The following LEO1 variants were observed in gnomAD, a reference collection of about 807,000 sequenced individuals.
LEO1 encodes the protein RNA polymerase-associated protein LEO1.
In LEO1, 34 loss-of-function variants were observed where a neutral mutation model predicts 80.4. The ratio of observed to expected loss-of-function variants is 0.42; its 90% CI spans 0.32 to 0.56. LEO1 has a LOEUF of 0.56. Ranked by LOEUF, LEO1 falls within the 20% of genes least tolerant of loss-of-function variation. LEO1 has a pLI of 0.10. For missense variants in LEO1, 631 were observed against 814.2 expected, an observed-to-expected ratio of 0.77 and a Z score of 2.74; for synonymous variants, 262 against 274.9, an observed-to-expected ratio of 0.95 and a Z score of 0.46.
chr15:51,942,939 C>CAAA (rs79457757), intron 11 of LEO1, among the ~76,000 whole-genome samples: 1 of 140,096 alleles, frequency 7.1e-6, no homozygotes, highest in African/African-American at 2.6e-5. Context: ...AAAAAAAAAC[C>CAAA]AAAAAAAAAA....
At chr15:51,938,932 C>T (rs1186574922) in intron 11 of LEO1, among the ~76,000 whole-genome samples, 1 of 152,172 alleles carries the variant, frequency 6.6e-6, no homozygotes, top group Admixed American at 6.5e-5. Context: ...TGCCTGTAAT[C>T]CCAGCACTTT....
At position 51,947,339 on chromosome 15, in the gene LEO1, C is replaced by T; in HGVS notation, c.1849G>A (p.Asp617Asn). 1 of 1,613,816 alleles carries T rather than the reference C, an allele frequency of 6.2e-7. No individual in the cohort carries two copies. Among genetic ancestry groups the T allele is most frequent in the Non-Finnish European group, 8.5e-7 (1 of 1,179,832 alleles). The change falls in exon 11 of 12, where the codon GAT becomes AAT. Residue 617 changes from aspartate to asparagine, a missense_variant. Asp to Asn is a conservative substitution (Grantham distance 23). Around this residue, in one of 4 missense-constraint regions of LEO1, gnomAD observed 117 missense variants for 163.5 expected, o/e 0.72. Transcript: ENST00000299601. ...GCTTTGAGTAATCTTTGAGCTTTAT[C>T]TTCTTCTGATCCCTCATCACTGTCT... ...SSDSDEGSEEDKAQRLLKAKK... is the reference protein window; with the variant it reads ...SSDSDEGSEENKAQRLLKAKK...
At chr15:51,947,420 CT>C (rs745399155) in intron 10 of LEO1, 31 bp from the exon 11 acceptor site, 34,983 of 1,092,628 alleles carry the variant, frequency 0.032, 12 homozygotes, top group East Asian at 0.043. Flanking sequence ...TGTGAGTCAC[CT>C]TTTTTTTTTT....
At chr15:51,969,101 C>T (rs933251383) in intron 1 of LEO1, among the ~76,000 whole-genome samples, 17 of 151,786 alleles carry the variant, frequency 1.1e-4, no homozygotes, top group East Asian at 2.0e-4. Flanking sequence ...AGTTTATGGG[C>T]GCACGCCACC....
In LEO1 at chr15:51,947,091, C is replaced by T. The variant is rs1212269925; in HGVS notation, c.1896+201G>A. On this transcript the variant is annotated intron_variant, in intron 11 of 11. Coordinates refer to ENST00000299601, the MANE Select transcript of LEO1 (RefSeq NM_138792.4). ...CCAGCAAGAAGTCTTATCCTCCATG[C>T]AGCCTTCTAAGACCTCTCTAAGCAC... is the stretch of plus-strand genomic sequence containing the variant. 1.6e-5 allele frequency: 9 copies of T among 555,398 alleles called. 1 individual carries two copies. The highest frequency in any genetic ancestry group is 1.5e-4 in the South Asian group (7 of 48,272). The allele number at this position is 555,398 out of a possible 1,614,324, so 34.4% of individuals were successfully genotyped here.
chr15:51,949,427 C>CAGTG (rs1013903943), intron 10 of LEO1, among the ~76,000 whole-genome samples: 1 of 152,272 alleles, frequency 6.6e-6, no homozygotes, highest in African/African-American at 2.4e-5. Flanking sequence ...GGGCTAGGCA[C>CAGTG]AGTGGCTCAT....
rs768561415 is a variant in LEO1 at position 51,966,209 on chromosome 15, G to A, written c.354C>T (p.Asp118=). ...TCCCTCCATCCGATCTATGACCTTC[G>A]TCTTCATCATCATTAGGGGCTTCTG... ...SGSEAPNDDE[D]EGHRSDGGSH... The change falls in exon 2 of 12, where the codon GAC becomes GAT. Residue 118 remains aspartate, a synonymous_variant. Coordinates refer to ENST00000299601, the MANE Select transcript of LEO1 (RefSeq NM_138792.4). 104 of 1,613,612 alleles carry A rather than the reference G, an allele frequency of 6.4e-5. No individual in the cohort carries two copies. Among genetic ancestry groups the A allele is most frequent in the Non-Finnish European group, 8.1e-5 (96 of 1,180,020 alleles).
chr15:51,957,864 T>C (rs928849288), intron 6 of LEO1, among the ~76,000 whole-genome samples: 1 of 151,840 alleles, frequency 6.6e-6, no homozygotes, highest in African/African-American at 2.4e-5. Context: ...CTACTAAAAA[T>C]ACAAAAATTA....
intron 8 of LEO1, 194 bp from the exon 9 acceptor site, chr15:51,952,173 T>G (rs1027169125): frequency 2.1e-5 from 10 of 465,210 alleles, no homozygotes; most frequent in Non-Finnish European, 3.4e-5. Flanking sequence ...TGAGACATTC[T>G]TATTCCACAA....
At chr15:51,971,549 T>C in intron 1 of LEO1, 139 bp downstream of exon 1, 1 of 805,640 alleles carries the variant, frequency 1.2e-6, no homozygotes, top group Non-Finnish European at 2.1e-6. Flanking sequence ...GGATGGCACC[T>C]CCGGGAGTGC....
chr15:51,944,894 T>A (rs4775988), intron 11 of LEO1, among the ~76,000 whole-genome samples: 1 of 152,194 alleles, frequency 6.6e-6, no homozygotes, highest in African/African-American at 2.4e-5. Context: ...ATTTCAGTGG[T>A]AGAAGCAGGA....
In LEO1 at chr15:51,966,405, G is replaced by A. The variant is rs1247692045; in HGVS notation, c.158C>T (p.Ser53Leu). 6.2e-7 allele frequency: 1 copy of A among 1,613,954 alleles called. No individual in the cohort carries two copies. Among genetic ancestry groups the A allele is most frequent in the Non-Finnish European group, 8.5e-7 (1 of 1,179,956 alleles). The change falls in exon 2 of 12, where the codon TCA becomes TTA. Residue 53 changes from serine (S) to leucine (L), a missense_variant. This residue lies in a region of LEO1 where 394 missense variants were observed against 395.6 expected (regional missense o/e 1.00). Coordinates refer to ENST00000299601, the MANE Select transcript of LEO1 (RefSeq NM_138792.4). ...SESDQDERGD[S>L]GQPSNKELFG... The stretch of plus-strand genomic sequence containing the variant: ...CAGTTCCTTATTACTTGGTTGTCCT[G>A]AATCACCTCTTTCATCCTGATCACT...
intron 10 of LEO1, among the ~76,000 whole-genome samples, chr15:51,949,442 G>A (rs1367852168): frequency 1.3e-5 from 2 of 152,150 alleles, no homozygotes; most frequent in Admixed American, 6.5e-5. Flanking sequence ...GCTCATGCCT[G>A]TAATCCCAGT....
chr15:51,946,151 A>G (rs2056899223), intron 11 of LEO1, among the ~76,000 whole-genome samples: 1 of 152,252 alleles, frequency 6.6e-6, no homozygotes. Context: ...TGTCAATAAT[A>G]AATGAAAATT....
intron 8 of LEO1, chr15:51,952,349 TATA>T (rs1221077640): frequency 6.6e-6 from 1 of 150,888 alleles, no homozygotes; most frequent in African/African-American, 2.4e-5. Flanking sequence ...TTAATATTAA[TATA>T]ATTATCCTAT....
At chr15:51,940,280 G>C (rs2056838537) in intron 11 of LEO1, among the ~76,000 whole-genome samples, 1 of 134,936 alleles carries the variant, frequency 7.4e-6, no homozygotes, top group African/African-American at 2.8e-5. Context: ...AAAAAAAAAG[G>C]TTGGGCGTGG....
At chr15:51,966,608 C>G (rs1006297783) in intron 1 of LEO1, 104 bp from the exon 2 acceptor site, 98 of 699,974 alleles carry the variant, frequency 1.4e-4, no homozygotes, top group Non-Finnish European at 2.3e-4. Flanking sequence ...CTGGCAAAAA[C>G]TGTTAGAATT....
At chr15:51,956,090 G>A (rs1192474001) in intron 6 of LEO1, among the ~76,000 whole-genome samples, 1 of 152,118 alleles carries the variant, frequency 6.6e-6, no homozygotes, top group Non-Finnish European at 1.5e-5. Context: ...CACTATTCCT[G>A]TCTTCCATCT....
rs747055118 is a variant in LEO1, at chr15:51,960,700, G to A, written c.953C>T (p.Ala318Val). Reference protein sequence around the residue: ...NSGTMDLFGGADDISSGSDGE... With the variant: ...NSGTMDLFGGVDDISSGSDGE... ...ATCACTCCCTGAAGAGATATCATCT[G>A]CACCTCCAAATAAATCCATGGTTCC... The change falls in exon 4 of 12, where the codon GCA becomes GTA. Residue 318 changes from alanine (A) to valine (V), a missense_variant. Coordinates refer to ENST00000299601, the MANE Select transcript of LEO1 (RefSeq NM_138792.4). The A allele has an allele frequency of 1.3e-5, 21 of 1,610,398 alleles. No individual in the cohort carries two copies. The South Asian group carries it at 2.2e-4, about 17-fold the overall frequency.
Sources: allele counts gnomAD v4.1 joint callset (sites outside exome capture counted in the v4.1 genomes callset), GRCh38; gene constraint gnomAD v4.1.1; regional missense constraint gnomAD v4.1.1; transcripts MANE v1.5; gene names NCBI Gene and HGNC (gene_info 2026-07-23, HGNC 2026-07-21).